VAT1L: variants seen among roughly 807,000 people sequenced by gnomAD.
VAT1L encodes vesicle amine transport 1 like.
VAT1L carries 34 observed loss-of-function variants against 44.1 expected under a neutral mutation model. That is an observed-to-expected ratio of 0.77 (90% confidence interval 0.59 to 1.03). The LOEUF (loss-of-function observed/expected upper bound fraction) is 1.03. Ranked by LOEUF, VAT1L falls within the 50% of genes least tolerant of loss-of-function variation. The pLI, the probability that VAT1L is intolerant of heterozygous loss-of-function variation, is 0.00. For missense variants in VAT1L, 615 were observed against 538.8 expected, an observed-to-expected ratio of 1.14 and a Z score of -1.40; for synonymous variants, 253 against 202.2, an observed-to-expected ratio of 1.25 and a Z score of -2.13.
intron 7 of VAT1L, among the ~76,000 whole-genome samples, chr16:77,935,056 T>G (rs984044528): frequency 6.6e-6 from 1 of 152,182 alleles, no homozygotes; most frequent in Non-Finnish European, 1.5e-5. Context: ...AATGTTTCTT[T>G]GGGCAGGTCT....
chr16:77,880,449 C>T (rs1298158967), intron 6 of VAT1L, among the ~76,000 whole-genome samples: 1 of 151,968 alleles, frequency 6.6e-6, no homozygotes, highest in Non-Finnish European at 1.5e-5. Context: ...TGTGAGCCAT[C>T]GTACTCGGCC....
At chr16:77,825,118 C>A in intron 2 of VAT1L, 128 bp from the exon 3 acceptor site, 2 of 938,508 alleles carry the variant, frequency 2.1e-6, no homozygotes, top group Non-Finnish European at 3.3e-6. Flanking sequence ...TCACCCACCT[C>A]AGCCTCCCAA....
intron 2 of VAT1L, among the ~76,000 whole-genome samples, chr16:77,823,769 A>C (rs886772232): frequency 1.3e-5 from 2 of 152,234 alleles, no homozygotes; most frequent in Non-Finnish European, 2.9e-5. Flanking sequence ...CTGTAATCCC[A>C]GCATTTTGGG....
intron 1 of VAT1L, among the ~76,000 whole-genome samples, chr16:77,799,221 C>T (rs1399160075): frequency 6.6e-6 from 1 of 151,710 alleles, no homozygotes; most frequent in Non-Finnish European, 1.5e-5. Flanking sequence ...TCCTCCTCCT[C>T]TCCTTGTCTC....
At chr16:77,927,120 C>A (rs940893348) in intron 7 of VAT1L, among the ~76,000 whole-genome samples, 1 of 151,566 alleles carries the variant, frequency 6.6e-6, no homozygotes, top group African/African-American at 2.4e-5. Flanking sequence ...AGGAGGATCA[C>A]CAGGTCAGGA....
At chr16:77,795,113 C>G (rs1198815537) in intron 1 of VAT1L, among the ~76,000 whole-genome samples, 1 of 152,170 alleles carries the variant, frequency 6.6e-6, no homozygotes, top group Admixed American at 6.5e-5. Context: ...TTTGATCTAT[C>G]AGTAGAGAAG....
At chr16:77,820,256 T>C (rs1360643651) in intron 2 of VAT1L, among the ~76,000 whole-genome samples, 4 of 152,046 alleles carry the variant, frequency 2.6e-5, no homozygotes, top group Non-Finnish European at 4.4e-5. Flanking sequence ...ACAATAGTCA[T>C]GGTGACTCCC....
intron 4 of VAT1L, among the ~76,000 whole-genome samples, chr16:77,870,526 G>A (rs971393194): frequency 6.6e-5 from 10 of 152,182 alleles, no homozygotes; most frequent in African/African-American, 2.4e-4. Flanking sequence ...TGGGCAAGAA[G>A]GAAAGAGGCA....
In VAT1L at chr16:77,806,672, C is replaced by A. The variant is rs191451240; in HGVS notation, c.234-10249C>A. On this transcript the variant is annotated intron_variant, in intron 1 of 8. Coordinates refer to ENST00000302536, the MANE Select transcript of VAT1L (RefSeq NM_020927.3). ...CTCTTTATTTTTCTAATCTTCACTT[C>A]CTTTTTTTCTATGGGAACAACTGTT... Among the ~76,000 whole-genome samples, 781 of 152,286 alleles carry A rather than the reference C, an allele frequency of 5.1e-3. 36 individuals carry two copies. The highest frequency in any genetic ancestry group is 0.048 in the Admixed American group (728 of 15,254).
intron 7 of VAT1L, among the ~76,000 whole-genome samples, chr16:77,946,550 G>GC (rs2017969594): frequency 6.6e-6 from 1 of 151,680 alleles, no homozygotes; most frequent in South Asian, 2.1e-4. Flanking sequence ...CCAAAGTGCT[G>GC]GGATTACAGG....
chr16:77,892,096 A>C (rs2142468019), intron 7 of VAT1L, among the ~76,000 whole-genome samples: 1 of 152,294 alleles, frequency 6.6e-6, no homozygotes. Flanking sequence ...AATGTGGGAC[A>C]CCAAGGACAG....
intron 7 of VAT1L, among the ~76,000 whole-genome samples, chr16:77,933,477 A>G (rs1314762030): frequency 1.3e-5 from 2 of 152,272 alleles, no homozygotes; most frequent in African/African-American, 4.8e-5. Context: ...CTGCTCTCCT[A>G]GAATTTAAAA....
intron 1 of VAT1L, among the ~76,000 whole-genome samples, chr16:77,807,105 A>G (rs4514690): frequency 0.73 from 111,568 of 152,136 alleles, 41,583 homozygotes; most frequent in East Asian, 0.94. Flanking sequence ...CCTCCTCAGG[A>G]ACTGCCGTGC....
In VAT1L at chr16:77,879,330, C is replaced by G. The variant is rs2017123890; in HGVS notation, c.882+106C>G. 1.6e-6 allele frequency: 2 copies of G among 1,267,212 alleles called. No homozygotes were observed. The highest frequency in any genetic ancestry group is 2.3e-6 in the Non-Finnish European group (2 of 872,658). 78.5% of individuals were successfully genotyped at this position (1,267,212 alleles called of 1,614,324 possible). On this transcript the variant is annotated intron_variant, in intron 6 of 8. Coordinates refer to ENST00000302536, the MANE Select transcript of VAT1L (RefSeq NM_020927.3). This position sits in a 1 kb window ranked among gnomAD's most constrained non-coding sequence, Gnocchi z 4.1. ...GTTTTGAGACAGCGTCTCGTTCTGT[C>G]ACCAGGCTGGAGTGCAATGGCACGA...
chr16:77,802,567 TTG>T (rs1443129567), intron 1 of VAT1L, among the ~76,000 whole-genome samples: 1 of 149,288 alleles, frequency 6.7e-6, no homozygotes, highest in East Asian at 2.0e-4. Context: ...TGAGCCGAGA[TTG>T]TGCCACTGCA....
At chr16:77,915,389 G>C (rs1269402956) in intron 7 of VAT1L, among the ~76,000 whole-genome samples, 1 of 152,194 alleles carries the variant, frequency 6.6e-6, no homozygotes, top group Admixed American at 6.5e-5. Context: ...CTGCACACCA[G>C]TGGCTGTGAG....
At position 77,977,871 on chromosome 16, in the gene VAT1L, T is replaced by C; in HGVS notation, c.*176T>C. On this transcript the variant is annotated 3_prime_UTR_variant, in exon 9 of 9. Transcript: ENST00000302536. ...GTTGTTTTTTGAAGTGCCAATCCCA[T>C]GCCATGCAGTATTATGTCCCTCTCC... is the stretch of plus-strand genomic sequence containing the variant. The C allele has an allele frequency of 1.6e-6, 1 of 616,396 alleles. No individual in the cohort carries two copies. The highest frequency in any genetic ancestry group is 2.9e-5 in the East Asian group (1 of 34,668). 38.2% of individuals were successfully genotyped at this position (616,396 alleles called of 1,614,324 possible). A position where few individuals can be genotyped will look rare whatever the true frequency, so the allele number is the denominator to read the frequency against.
intron 3 of VAT1L, among the ~76,000 whole-genome samples, chr16:77,831,214 A>G (rs960167844): frequency 6.6e-6 from 1 of 152,186 alleles, no homozygotes; most frequent in African/African-American, 2.4e-5. Flanking sequence ...TTTTTATAAA[A>G]TGAAAATGGT....
chr16:77,933,769 A>G (rs2017759622), intron 7 of VAT1L, among the ~76,000 whole-genome samples: 1 of 152,190 alleles, frequency 6.6e-6, no homozygotes, highest in Non-Finnish European at 1.5e-5. Context: ...AAACAACAAC[A>G]ATAAGGCAAA....
Sources: allele counts gnomAD v4.1 joint callset (sites outside exome capture counted in the v4.1 genomes callset), GRCh38; gene constraint gnomAD v4.1.1; non-coding constraint Gnocchi (gnomAD v3.1); transcripts MANE v1.5; gene names NCBI Gene and HGNC (gene_info 2026-07-23, HGNC 2026-07-21).